Variants in HEMK2 observed in about 807,000 individuals in gnomAD.
HEMK2 encodes the protein methyltransferase HEMK2.
chr21:28,767,804 A>T, the HEMK2 span, among the ~76,000 whole-genome samples: 1 of 151,908 alleles, frequency 6.6e-6, no homozygotes, highest in Non-Finnish European at 1.5e-5. Flanking sequence ...CATTCTGCCC[A>T]ACTCCTTTAC....
chr21:28,840,871 T>A, the HEMK2 span, among the ~76,000 whole-genome samples: 1 of 148,324 alleles, frequency 6.7e-6, no homozygotes, highest in Non-Finnish European at 1.5e-5. Flanking sequence ...GGAAAAGAAG[T>A]CATTATTCAA....
At chr21:28,630,029 A>C in the HEMK2 span, among the ~76,000 whole-genome samples, 1 of 152,192 alleles carries the variant, frequency 6.6e-6, no homozygotes, top group African/African-American at 2.4e-5. Context: ...GAGTATGAGT[A>C]TTACAATTTG....
At chr21:28,736,911 T>C in the HEMK2 span, among the ~76,000 whole-genome samples, 1 of 152,170 alleles carries the variant, frequency 6.6e-6, no homozygotes, top group African/African-American at 2.4e-5. Context: ...ATTTTGAGAT[T>C]CACAGGGGTT....
At chr21:28,670,917 C>T in the HEMK2 span, 1 of 152,242 alleles carries the variant, frequency 6.6e-6, no homozygotes, top group Non-Finnish European at 1.5e-5. Flanking sequence ...AATCACCTCC[C>T]ACCAAGTCCT....
chr21:28,606,300 C>T, the HEMK2 span, among the ~76,000 whole-genome samples: 6 of 152,298 alleles, frequency 3.9e-5, no homozygotes, highest in South Asian at 2.1e-4. Context: ...TTACCAAAAT[C>T]GTATTGTTCT....
At chr21:28,629,918 C>A in the HEMK2 span, among the ~76,000 whole-genome samples, 1 of 115,692 alleles carries the variant, frequency 8.6e-6, no homozygotes, top group East Asian at 2.8e-4. Context: ...ACCCCCTTTG[C>A]TCAGTTTCTT....
chr21:28,817,246 A>C, the HEMK2 span, among the ~76,000 whole-genome samples: 1 of 152,164 alleles, frequency 6.6e-6, no homozygotes, highest in Non-Finnish European at 1.5e-5. Context: ...ACACAAAATA[A>C]AGACATTTTC....
chr21:28,738,305 C>T, the HEMK2 span, among the ~76,000 whole-genome samples: 1 of 152,130 alleles, frequency 6.6e-6, no homozygotes, highest in East Asian at 1.9e-4. Flanking sequence ...AGTTTGTTGC[C>T]AGATCTCCCA....
At chr21:28,758,566 GAA>G in the HEMK2 span, among the ~76,000 whole-genome samples, 1 of 152,154 alleles carries the variant, frequency 6.6e-6, no homozygotes, top group African/African-American at 2.4e-5. Context: ...TGAAGTTGGA[GAA>G]AACTAAGTTA....
chr21:28,685,412 G>A, the HEMK2 span, among the ~76,000 whole-genome samples: 1 of 152,126 alleles, frequency 6.6e-6, no homozygotes, highest in Non-Finnish European at 1.5e-5. Flanking sequence ...TCATCAGAAA[G>A]TCACAAAGAG....
chr21:28,878,536 T>C, the HEMK2 span, among the ~76,000 whole-genome samples: 1 of 152,230 alleles, frequency 6.6e-6, no homozygotes, highest in Non-Finnish European at 1.5e-5. Context: ...TGTGAATTAC[T>C]TTCCTCTTTT....
the HEMK2 span, among the ~76,000 whole-genome samples, chr21:28,720,008 C>T: frequency 6.6e-6 from 1 of 152,168 alleles, no homozygotes; most frequent in Non-Finnish European, 1.5e-5. Context: ...TTTTAACTGT[C>T]TATTTACTGC....
the HEMK2 span, among the ~76,000 whole-genome samples, chr21:28,767,996 G>A: frequency 3.9e-5 from 6 of 151,906 alleles, no homozygotes; most frequent in Non-Finnish European, 5.9e-5. Flanking sequence ...TTAGTTATTC[G>A]GGTCCATATG....
At chr21:28,720,585 T>C in the HEMK2 span, among the ~76,000 whole-genome samples, 1 of 151,964 alleles carries the variant, frequency 6.6e-6, no homozygotes, top group African/African-American at 2.4e-5. Flanking sequence ...ATACAAAAAT[T>C]AGCTGGGCAT....
At chr21:28,728,701 C>T in the HEMK2 span, among the ~76,000 whole-genome samples, 3 of 152,154 alleles carry the variant, frequency 2.0e-5, no homozygotes, top group Non-Finnish European at 4.4e-5. Context: ...GTTCTCCATG[C>T]CAAGCTCCAG....
At chr21:28,880,750 AAAAG>A in the HEMK2 span, among the ~76,000 whole-genome samples, 607 of 151,086 alleles carry the variant, frequency 4.0e-3, 5 homozygotes, top group African/African-American at 0.014. Flanking sequence ...CTCAAAAAAA[AAAAG>A]AAAGAAAGAA....
At chr21:28,760,559 T>C in the HEMK2 span, among the ~76,000 whole-genome samples, 4 of 152,218 alleles carry the variant, frequency 2.6e-5, no homozygotes, top group African/African-American at 9.6e-5. Context: ...TTTGACTGTA[T>C]CCATTAGTTA....
chr21:28,785,269 C>T, the HEMK2 span, among the ~76,000 whole-genome samples: 3 of 152,196 alleles, frequency 2.0e-5, no homozygotes, highest in African/African-American at 7.2e-5. Context: ...CAATTCCAGA[C>T]ACAATATCAT....
At chr21:28,759,339 G>C in the HEMK2 span, among the ~76,000 whole-genome samples, 1 of 152,160 alleles carries the variant, frequency 6.6e-6, no homozygotes, top group Non-Finnish European at 1.5e-5. Context: ...GGGGCCTGTA[G>C]TCCCTTTGTT....
Sources: gnomAD v4.1 joint callset for allele counts (sites outside exome capture counted in the v4.1 genomes callset) on GRCh38, gnomAD v4.1.1 for gene constraint, MANE v1.5 for transcripts, NCBI Gene and HGNC (gene_info 2026-07-23, HGNC 2026-07-21) for gene names.